PCP4L1: variants seen among roughly 807,000 people sequenced by gnomAD.
PCP4L1 encodes the protein Purkinje cell protein 4-like protein 1.
In PCP4L1, 9 loss-of-function variants were observed where a neutral mutation model predicts 9.6. The ratio of observed to expected loss-of-function variants is 0.94; its 90% CI spans 0.57 to 1.64. The LOEUF (loss-of-function observed/expected upper bound fraction) is 1.64, where lower values mean the gene tolerates loss of function less well. PCP4L1 is among the 40% of genes most tolerant of loss of function. PCP4L1 has a pLI of 0.00. For synonymous variants in PCP4L1, 31 were observed against 28.2 expected, an observed-to-expected ratio of 1.10 and a Z score of -0.31; for missense variants, 81 against 80.8, an observed-to-expected ratio of 1.00 and a Z score of -0.01.
intron 1 of PCP4L1, among the ~76,000 whole-genome samples, chr1:161,266,753 C>G: frequency 6.6e-6 from 1 of 152,042 alleles, no homozygotes; most frequent in South Asian, 2.1e-4. Context: ...ATTCCTAGTT[C>G]TTTTTCTGTT....
intron 1 of PCP4L1, among the ~76,000 whole-genome samples, chr1:161,276,406 G>C (rs192230145): frequency 6.6e-6 from 1 of 152,144 alleles, no homozygotes; most frequent in South Asian, 2.1e-4. Flanking sequence ...ATATGGGCCT[G>C]GCGTGGTGGC....
chr1:161,282,401 G>GGGGAGAGGGAGA (rs1215788549), intron 1 of PCP4L1, among the ~76,000 whole-genome samples: 1 of 149,140 alleles, frequency 6.7e-6, no homozygotes, highest in Non-Finnish European at 1.5e-5. Flanking sequence ...GGGAGACCGT[G>GGGGAGAGGGAGA]GGGAGAGGGA....
intron 1 of PCP4L1, among the ~76,000 whole-genome samples, chr1:161,260,886 C>T (rs1669406256): frequency 6.6e-6 from 1 of 152,126 alleles, no homozygotes; most frequent in South Asian, 2.1e-4. Context: ...GAAGCTGTCT[C>T]CTAATACAGA....
At chr1:161,277,313 A>G (rs907486080) in intron 1 of PCP4L1, among the ~76,000 whole-genome samples, 1 of 152,212 alleles carries the variant, frequency 6.6e-6, no homozygotes, top group African/African-American at 2.4e-5. Context: ...GCATGTGACA[A>G]TATTTGGTCT....
intron 1 of PCP4L1, among the ~76,000 whole-genome samples, chr1:161,271,063 A>T (rs978723042): frequency 6.6e-6 from 1 of 152,250 alleles, no homozygotes; most frequent in African/African-American, 2.4e-5. Flanking sequence ...ATGTGTGAAT[A>T]TAAGTTTTAA....
chr1:161,260,065 T>C (rs138503236), intron 1 of PCP4L1, among the ~76,000 whole-genome samples: 25 of 152,326 alleles, frequency 1.6e-4, no homozygotes, highest in African/African-American at 4.8e-4. Flanking sequence ...ATCTTTCTGT[T>C]TCTTTTTTCT....
At position 161,267,992 on chromosome 1, in the gene PCP4L1, C is replaced by T. The variant is rs534990188; in HGVS notation, c.9+9009C>T. Among the ~76,000 whole-genome samples, 6 of 152,272 alleles carry T rather than the reference C, an allele frequency of 3.9e-5. No individual in the cohort carries two copies. In the East Asian group the frequency reaches 9.6e-4, roughly 24 times the overall value. On this transcript the variant is annotated intron_variant, in intron 1 of 2. Transcript: ENST00000504449. ...CCTCCCAAATTGTTGGAATAACAGG[C>T]GTGAGCCACCGCACCTGGCCGACAA...
At chr1:161,282,834 T>C (rs1050578242) in intron 1 of PCP4L1, among the ~76,000 whole-genome samples, 10 of 152,170 alleles carry the variant, frequency 6.6e-5, no homozygotes, top group African/African-American at 2.4e-4. Flanking sequence ...CAACAAATCA[T>C]ATTGGTCATA....
At chr1:161,266,847 G>A (rs1027663634) in intron 1 of PCP4L1, among the ~76,000 whole-genome samples, 2 of 152,182 alleles carry the variant, frequency 1.3e-5, no homozygotes, top group African/African-American at 2.4e-5. Context: ...GAATTGAAAT[G>A]GTTCCAACGG....
At chr1:161,275,794 C>CT (rs1191740761) in intron 1 of PCP4L1, among the ~76,000 whole-genome samples, 1,628 of 134,138 alleles carry the variant, frequency 0.012, 26 homozygotes, top group South Asian at 0.04. Flanking sequence ...CTAGGTCATA[C>CT]TTTTTTTTTT....
intron 1 of PCP4L1, among the ~76,000 whole-genome samples, chr1:161,272,567 A>AT (rs1253104443): frequency 2.0e-5 from 3 of 151,396 alleles, no homozygotes; most frequent in African/African-American, 7.3e-5. Context: ...TCAAAAAAAA[A>AT]AAAAAAAAAA....
rs1669860202 is a variant in PCP4L1 at position 161,283,688 on chromosome 1, A to C, written c.30A>C (p.Pro10=). 6.2e-7 allele frequency: 1 copy of C among 1,604,952 alleles called. No individual in the cohort carries two copies. Among genetic ancestry groups the C allele is most frequent in the Non-Finnish European group, 8.5e-7 (1 of 1,175,364 alleles). ...TCCAGCTTAATACCAAAACATCCCC[A>C]GCAACCAACCAGGCAGCTGGCCAAG... MSELNTKTS[P]ATNQAAGQEE... The change falls in exon 2 of 3, where the codon CCA becomes CCC. Residue 10 remains proline (P), a synonymous_variant. Coordinates refer to ENST00000504449, the MANE Select transcript of PCP4L1 (RefSeq NM_001102566.2).
intron 1 of PCP4L1, among the ~76,000 whole-genome samples, chr1:161,269,670 CAG>C (rs1226143755): frequency 6.6e-6 from 1 of 152,088 alleles, no homozygotes; most frequent in African/African-American, 2.4e-5. Context: ...TTGAGGTAAT[CAG>C]AGGCTGAACA....
chr1:161,260,358 T>A (rs1396242022), intron 1 of PCP4L1, among the ~76,000 whole-genome samples: 1 of 152,230 alleles, frequency 6.6e-6, no homozygotes, highest in Non-Finnish European at 1.5e-5. Context: ...GTGACTCTGA[T>A]GATGGCAATC....
At chr1:161,266,540 T>G (rs959842986) in intron 1 of PCP4L1, among the ~76,000 whole-genome samples, 1 of 152,168 alleles carries the variant, frequency 6.6e-6, no homozygotes, top group Non-Finnish European at 1.5e-5. Context: ...GCCAAGGAAT[T>G]CTGCCTCTGA....
chr1:161,270,622 C>T (rs982233176), intron 1 of PCP4L1, among the ~76,000 whole-genome samples: 1 of 150,292 alleles, frequency 6.7e-6, no homozygotes, highest in African/African-American at 2.5e-5. Flanking sequence ...GCCTGTAATC[C>T]CAGTACTTTG....
chr1:161,281,302 T>C (rs1053010252), intron 1 of PCP4L1, among the ~76,000 whole-genome samples: 2 of 152,112 alleles, frequency 1.3e-5, no homozygotes, highest in Non-Finnish European at 2.9e-5. Flanking sequence ...TTCCCCCTTT[T>C]CTATTCCACA....
intron 1 of PCP4L1, among the ~76,000 whole-genome samples, chr1:161,265,821 C>T (rs968875750): frequency 2.7e-5 from 4 of 148,934 alleles, no homozygotes; most frequent in African/African-American, 7.5e-5. Flanking sequence ...TCACTGCAAC[C>T]TCACCTCCCG....
At chr1:161,284,269 T>C (rs1669869804) in intron 2 of PCP4L1, 70 bp from the exon 3 acceptor site, 3 of 1,606,500 alleles carry the variant, frequency 1.9e-6, no homozygotes, top group Middle Eastern at 1.7e-4. Flanking sequence ...ACCCACTGTA[T>C]TGGGGGCCTG....
Sources: gnomAD v4.1 joint callset for allele counts (sites outside exome capture counted in the v4.1 genomes callset) on GRCh38, gnomAD v4.1.1 for gene constraint, MANE v1.5 for transcripts, NCBI Gene and HGNC (gene_info 2026-07-23, HGNC 2026-07-21) for gene names.